LRP1: variants seen among roughly 807,000 people sequenced by gnomAD.
The protein encoded by LRP1 is prolow-density lipoprotein receptor-related protein 1.
LRP1 carries 51 observed loss-of-function variants against 541.5 expected under a neutral mutation model. The observed-to-expected ratio is 0.09, with a 90% CI of 0.08 to 0.12. The LOEUF (loss-of-function observed/expected upper bound fraction) is 0.12, where lower values mean the gene tolerates loss of function less well. Among genes scored for constraint, LRP1 ranks in the 10% least tolerant of loss-of-function variants. The probability of loss-of-function intolerance (pLI) is 1.00; values close to 1 mark genes in which losing one functional copy is unlikely to be tolerated. For synonymous variants in LRP1, 2,219 were observed against 2,470.8 expected, an observed-to-expected ratio of 0.90 and a Z score of 3.02; for missense variants, 3,878 against 6,376.2, an observed-to-expected ratio of 0.61 and a Z score of 13.34.
intron 6 of LRP1, among the ~76,000 whole-genome samples, chr12:57,152,191 C>T (rs1207317768): frequency 6.6e-6 from 1 of 152,132 alleles, no homozygotes; most frequent in Non-Finnish European, 1.5e-5. Flanking sequence ...CAGGTTTCTT[C>T]CTTCTCTCTC....
At chr12:57,169,368 C>G (rs774646114) in intron 20 of LRP1, 61 bp downstream of exon 20, 1 of 1,472,724 alleles carries the variant, frequency 6.8e-7, no homozygotes, top group Non-Finnish European at 9.2e-7. Flanking sequence ...AGACACCCAG[C>G]CTATCCATCT....
chr12:57,175,126 C>A (rs909977957), intron 22 of LRP1, among the ~76,000 whole-genome samples: 5 of 152,106 alleles, frequency 3.3e-5, no homozygotes, highest in Non-Finnish European at 7.4e-5. Flanking sequence ...GGGTCCCTCC[C>A]AGGGAGGCAA....
At position 57,189,797 on chromosome 12, in the gene LRP1, C is replaced by T. The variant is rs1227443335; in HGVS notation, c.7032-1008C>T. On this transcript the variant is annotated intron_variant, in intron 42 of 88. Coordinates refer to ENST00000243077, the MANE Select transcript of LRP1 (RefSeq NM_002332.3). The surrounding 1 kb of genome is among the most constrained non-coding windows in gnomAD (Gnocchi z 4.4). ...TGTGGCTTGGTGGTCTCAGACTCCACTGTGCCTAAGGATCGCCTAGGAGCA... is the reference window on the plus strand; with the variant it reads ...TGTGGCTTGGTGGTCTCAGACTCCATTGTGCCTAAGGATCGCCTAGGAGCA... 6.6e-6 allele frequency among the ~76,000 whole-genome samples: 1 copy of T among 152,036 alleles called. No individual in the cohort carries two copies. The highest frequency in any genetic ancestry group is 2.4e-5 in the African/African-American group (1 of 41,368).
rs187564425 is a variant in LRP1 at position 57,141,259 on chromosome 12, C to T, written c.191-115C>T. 2.7e-3 allele frequency: 3,221 copies of T among 1,209,440 alleles called. 11 individuals carry two copies. Among genetic ancestry groups the T allele is most frequent in the Non-Finnish European group, 3.6e-3 (3,085 of 859,964 alleles). The allele number at this position is 1,209,440 out of a possible 1,614,324, so 74.9% of individuals were successfully genotyped here. On this transcript the variant is annotated intron_variant, in intron 2 of 88. Transcript: ENST00000243077. The stretch of plus-strand genomic sequence containing the variant: ...CCAGGTGGAAGAGTCTAACTAGCCC[C>T]GAGGCCTCCTGAGATCTGAAACCCC...
At chr12:57,150,088 C>T (rs1242102582) in intron 6 of LRP1, 1 of 234,950 alleles carries the variant, frequency 4.3e-6, no homozygotes, top group Non-Finnish European at 8.3e-6. Context: ...GAGACAAAGA[C>T]AAAAGGCAGC....
At chr12:57,171,466 C>T (rs879338669) in intron 20 of LRP1, among the ~76,000 whole-genome samples, 8 of 152,058 alleles carry the variant, frequency 5.3e-5, no homozygotes, top group South Asian at 2.1e-4. Context: ...CCGTTCAGAC[C>T]GAGGGAAAGG....
Position 57,177,711 on chromosome 12 carries a change from CA to C in LRP1, c.4361+123del. The C allele has an allele frequency of 8.3e-7, 1 of 1,202,780 alleles. No individual in the cohort carries two copies. Among genetic ancestry groups the C allele is most frequent in the South Asian group, 1.5e-5 (1 of 68,846 alleles). 74.5% of individuals were successfully genotyped at this position (1,202,780 alleles called of 1,614,324 possible). A position where few individuals can be genotyped will look rare whatever the true frequency, so the allele number is the denominator to read the frequency against. ...AGGGATCTAGAACTAGGAACGGTGG[CA>C]AAGGACTGGGCACAGGAGGAGGAGG... On this transcript the variant is annotated intron_variant, in intron 26 of 88. Transcript: ENST00000243077. The surrounding 1 kb of genome is among the most constrained non-coding windows in gnomAD (Gnocchi z 6.8).
Position 57,200,826 on chromosome 12 carries a change from G to GGGGGGCGCC in LRP1, c.10225+11_10225+12insGGGGGCGCC. On this transcript the variant is annotated intron_variant, in intron 64 of 88. Coordinates refer to ENST00000243077, the MANE Select transcript of LRP1 (RefSeq NM_002332.3). ...ACGAGGCCAACTGTGGTAAGGCGCTGCCCGCCCACCCTCCCTCCTTCCCCA... is the reference window on the plus strand; with the variant it reads ...ACGAGGCCAACTGTGGTAAGGCGCTGGGGGGCGCCCCCGCCCACCCTCCCTCCTTCCCCA... The GGGGGGCGCC allele has an allele frequency of 6.3e-7, 1 of 1,581,414 alleles. No homozygotes were observed. Among genetic ancestry groups the GGGGGGCGCC allele is most frequent in the African/African-American group, 1.4e-5 (1 of 71,620 alleles).
rs1389522047 is a variant in LRP1, at chr12:57,187,413, G to A, written c.6988G>A (p.Gly2330Arg). ...GCGTGAGACCGTCATCACTATGTCT[G>A]GAGATGACCACCCACGGGCCTTCGT... ...FERETVITMS[G>R]DDHPRAFVLD... Residue 2330 changes from glycine to arginine, a missense_variant, in exon 42 of 89, where the codon GGA (glycine) becomes AGA (arginine). Physicochemically the swap from Gly to Arg is moderately radical, Grantham distance 125 (BLOSUM62 -2). Around this residue, in one of 13 missense-constraint regions of LRP1, gnomAD observed 1,100 missense variants for 1,827.4 expected, o/e 0.60. Coordinates refer to ENST00000243077, the MANE Select transcript of LRP1 (RefSeq NM_002332.3). 1.2e-6 allele frequency: 2 copies of A among 1,614,020 alleles called. No homozygotes were observed. The highest frequency in any genetic ancestry group is 8.5e-7 in the Non-Finnish European group (1 of 1,180,034).
intron 2 of LRP1, among the ~76,000 whole-genome samples, chr12:57,139,019 C>T (rs2035232388): frequency 6.6e-6 from 1 of 152,206 alleles, no homozygotes; most frequent in Admixed American, 6.5e-5. Context: ...AGAAGCCCCA[C>T]CCCTGTGCTC....
In LRP1 at chr12:57,184,910, C is replaced by T; in HGVS notation, c.6258C>T (p.Asn2086=). 1.2e-6 allele frequency: 2 copies of T among 1,614,172 alleles called. No homozygotes were observed. The highest frequency in any genetic ancestry group is 1.7e-6 in the Non-Finnish European group (2 of 1,180,024). The change falls in exon 39 of 89, where the codon AAC becomes AAT. Residue 2086 remains asparagine, a synonymous_variant. Transcript: ENST00000243077. This position sits in a 1 kb window ranked among gnomAD's most constrained non-coding sequence, Gnocchi z 7.8. ...GGATCGACCTGGAGACAGGTGAGAA[C>T]CGCGAGGTGGTTCTGTCCAGCAACA... ...IERIDLETGE[N]REVVLSSNNM... is the part of the protein sequence containing the mutation.
At chr12:57,166,445 C>T in intron 17 of LRP1, 1 of 497,726 alleles carries the variant, frequency 2.0e-6, no homozygotes, top group Non-Finnish European at 3.5e-6. Context: ...CCTCTAGTCC[C>T]AGCTACTTGA....
Position 57,154,185 on chromosome 12 carries a change from G to C in LRP1, c.842-23G>C. ...GCAAGAGGGCCTACCCCACCCCATG[G>C]CTCTTTCATTCGTACTCTCCAGACG... On this transcript the variant is annotated intron_variant, in intron 6 of 88. Transcript: ENST00000243077. This position sits in a 1 kb window ranked among gnomAD's most constrained non-coding sequence, Gnocchi z 4.6. 1 of 1,601,072 alleles carries C rather than the reference G, an allele frequency of 6.2e-7. No individual in the cohort carries two copies. Among genetic ancestry groups the C allele is most frequent in the South Asian group, 1.1e-5 (1 of 90,196 alleles).
Position 57,201,276 on chromosome 12 carries a change from A to C in LRP1, c.10345+123A>C. The C allele has an allele frequency of 6.8e-7, 1 of 1,462,642 alleles. No individual in the cohort carries two copies. 90.6% of individuals were successfully genotyped at this position (1,462,642 alleles called of 1,614,324 possible). On this transcript the variant is annotated intron_variant, in intron 65 of 88. Transcript: ENST00000243077. The surrounding 1 kb of genome is among the most constrained non-coding windows in gnomAD (Gnocchi z 6.4). Reference sequence around the variant, plus strand: ...TTAGTAGATGGGCAACACAAATTATATTGGGTGTAACTTGCTTTGCTCATA... The same window carrying C: ...TTAGTAGATGGGCAACACAAATTATCTTGGGTGTAACTTGCTTTGCTCATA...
At chr12:57,166,791 G>A (rs1199110439) in intron 17 of LRP1, 139 bp from the exon 18 acceptor site, 1 of 648,350 alleles carries the variant, frequency 1.5e-6, no homozygotes, top group African/African-American at 1.8e-5. Flanking sequence ...AGACCAGAGA[G>A]ATGGTTTTGA....
Position 57,200,826 on chromosome 12 carries a change from G to GTCCCCCCCCCCCCCCCCCCC in LRP1, c.10225+11_10225+12insTCCCCCCCCCCCCCCCCCCC. On this transcript the variant is annotated intron_variant, in intron 64 of 88. Transcript: ENST00000243077. ...ACGAGGCCAACTGTGGTAAGGCGCT[G>GTCCCCCCCCCCCCCCCCCCC]CCCGCCCACCCTCCCTCCTTCCCCA... The GTCCCCCCCCCCCCCCCCCCC allele has an allele frequency of 6.3e-7, 1 of 1,581,438 alleles. No homozygotes were observed. The highest frequency in any genetic ancestry group is 1.1e-5 in the South Asian group (1 of 90,000).
rs1281747312 is a variant in LRP1, at chr12:57,210,113, A to T, written c.12524A>T (p.Lys4175Met). 1 of 1,613,550 alleles carries T rather than the reference A, an allele frequency of 6.2e-7. No homozygotes were observed. The highest frequency in any genetic ancestry group is 1.1e-5 in the South Asian group (1 of 91,034). ...SGPVCTCPNG[K>M]RLDNGTCVPV... ...CCTGTCTGCACCTGTCCCAATGGGA[A>T]GCGGCTGGACAACGGCACATGCGTG... The change falls in exon 81 of 89, where the codon AAG (lysine) becomes ATG (methionine). Residue 4175 changes from lysine (K) to methionine (M), a missense_variant. Lys to Met is a moderately conservative substitution (Grantham distance 95). Coordinates refer to ENST00000243077, the MANE Select transcript of LRP1 (RefSeq NM_002332.3).
In LRP1 at chr12:57,208,092, G is replaced by A. The variant is rs774794573; in HGVS notation, c.11914G>A (p.Val3972Met). The part of the protein sequence containing the change: ...GIAIDWVAGN[V>M]YWTDSGRDVI... ...CGCCATCGACTGGGTGGCCGGAAAC[G>A]TGTACTGGACCGACTCGGGCCGAGA... is the stretch of plus-strand genomic sequence containing the variant. The change falls in exon 77 of 89, where the codon GTG becomes ATG. Residue 3972 changes from valine (V) to methionine (M), a missense_variant. This residue lies in a region of LRP1 where 871 missense variants were observed against 1,212.4 expected (regional missense o/e 0.72). Coordinates refer to ENST00000243077, the MANE Select transcript of LRP1 (RefSeq NM_002332.3). 1.6e-5 allele frequency: 26 copies of A among 1,614,102 alleles called. No individual in the cohort carries two copies. The highest frequency in any genetic ancestry group is 2.2e-5 in the East Asian group (1 of 44,904).
At chr12:57,200,249 C>A in intron 62 of LRP1, 193 bp from the exon 63 acceptor site, 1 of 643,332 alleles carries the variant, frequency 1.6e-6, no homozygotes, top group Non-Finnish European at 2.8e-6. Flanking sequence ...CCTTGCCATG[C>A]TTCAGTGCTG....
Sources: gnomAD v4.1 joint callset for allele counts (sites outside exome capture counted in the v4.1 genomes callset) on GRCh38, gnomAD v4.1.1 for gene constraint, gnomAD v4.1.1 regional missense constraint, Gnocchi (gnomAD v3.1) non-coding constraint, MANE v1.5 for transcripts, NCBI Gene and HGNC (gene_info 2026-07-23, HGNC 2026-07-21) for gene names.